Variants in LRCOL1 observed in about 807,000 individuals in gnomAD.
LRCOL1 encodes the protein leucine-rich colipase-like protein 1.
LRCOL1 carries 21 observed loss-of-function variants against 21.6 expected under a neutral mutation model. The observed-to-expected ratio is 0.97, with a 90% CI of 0.69 to 1.40. LRCOL1 has a LOEUF of 1.40. Among genes scored for constraint, LRCOL1 ranks in the 40% most tolerant of loss-of-function variants. LRCOL1 has a pLI of 0.00. For synonymous variants in LRCOL1, 98 were observed against 90.1 expected (o/e 1.09, Z -0.49); for missense variants, 198 against 202.3 (o/e 0.98, Z 0.13).
Position 132,606,708 on chromosome 12 carries a change from C to G in LRCOL1, c.-13-444G>C, listed in dbSNP as rs1349879489. Among the ~76,000 whole-genome samples the G allele has an allele frequency of 6.6e-6, 1 of 151,674 alleles. No homozygotes were observed. The highest frequency in any genetic ancestry group is 2.4e-5 in the African/African-American group (1 of 41,260). On this transcript the variant is annotated intron_variant, in intron 1 of 5. Coordinates refer to ENST00000376608, the MANE Select transcript of LRCOL1 (RefSeq NM_001195520.2). This position sits in a 1 kb window ranked among gnomAD's most constrained non-coding sequence, Gnocchi z 4.6. ...GCCCCGTCTATTCGCTCCTCCCTCC[C>G]CAGCTGCTGACAGCCACCGAGCTTT... is the stretch of plus-strand genomic sequence containing the variant.
chr12:132,604,655 G>A (rs569839676), intron 3 of LRCOL1, 51 bp downstream of exon 3: 5 of 1,527,532 alleles, frequency 3.3e-6, no homozygotes, highest in Middle Eastern at 1.7e-4. Context: ...CAGGTAGGAG[G>A]GGGCCACAGG....
intron 5 of LRCOL1, chr12:132,603,974 TG>T: frequency 7.6e-7 from 1 of 1,309,838 alleles, no homozygotes; most frequent in Non-Finnish European, 9.7e-7. Context: ...GGGATGGTCC[TG>T]GGTCCCCCTC....
intron 1 of LRCOL1, among the ~76,000 whole-genome samples, chr12:132,609,006 G>A (rs531578087): frequency 9.2e-5 from 14 of 152,328 alleles, no homozygotes; most frequent in South Asian, 6.2e-4. Flanking sequence ...AGGTCACACC[G>A]TTCACAGCAG....
At chr12:132,605,383 A>C (rs747779571) in intron 2 of LRCOL1, among the ~76,000 whole-genome samples, 7 of 152,250 alleles carry the variant, frequency 4.6e-5, no homozygotes, top group Non-Finnish European at 1.5e-5. Flanking sequence ...TTAAGATAAA[A>C]ACAGTAATCC....
At chr12:132,604,988 G>A in intron 2 of LRCOL1, 157 bp from the exon 3 acceptor site, 1 of 1,446,282 alleles carries the variant, frequency 6.9e-7, no homozygotes, top group Non-Finnish European at 9.1e-7. Context: ...GACTGCCGTG[G>A]TTCTGGCAGG....
chr12:132,609,241 A>G (rs923541983), intron 1 of LRCOL1, among the ~76,000 whole-genome samples: 3 of 152,162 alleles, frequency 2.0e-5, no homozygotes, highest in African/African-American at 7.2e-5. Context: ...CGTCAAACCT[A>G]CAGAGACAGA....
At chr12:132,608,025 CTCTCTG>C (rs1261809721) in intron 1 of LRCOL1, among the ~76,000 whole-genome samples, 1 of 152,138 alleles carries the variant, frequency 6.6e-6, no homozygotes, top group Non-Finnish European at 1.5e-5. Context: ...GTCTCTGTCT[CTCTCTG>C]TCTCTGTCTC....
At position 132,608,059 on chromosome 12, in the gene LRCOL1, T is replaced by C. The variant is rs117370063; in HGVS notation, c.-13-1795A>G. On this transcript the variant is annotated intron_variant, in intron 1 of 5. Coordinates refer to ENST00000376608, the MANE Select transcript of LRCOL1 (RefSeq NM_001195520.2). ...TCTGTCTCTTGAATCCCCTTGATTA[T>C]TATTTTTCTTAAATTCCTCATGTTA... Among the ~76,000 whole-genome samples the C allele has an allele frequency of 6.5e-3, 991 of 152,256 alleles. 6 individuals are homozygous for C. The highest frequency in any genetic ancestry group is 0.027 in the Middle Eastern group (8 of 294).
In LRCOL1 at chr12:132,606,894, AT is replaced by A. The variant is rs945148983; in HGVS notation, c.-13-631del. Among the ~76,000 whole-genome samples the A allele has an allele frequency of 1.3e-5, 2 of 151,872 alleles. No homozygotes were observed. Among genetic ancestry groups the A allele is most frequent in the East Asian group, 1.9e-4 (1 of 5,156 alleles). ...CTTTTTAGCACTGCATGGAAAATGG[AT>A]TTTTTTTAACACATCGAGGCAAAAC... is the stretch of plus-strand genomic sequence containing the variant. On this transcript the variant is annotated intron_variant, in intron 1 of 5. Transcript: ENST00000376608. This position sits in a 1 kb window ranked among gnomAD's most constrained non-coding sequence, Gnocchi z 4.6.
chr12:132,603,485 C>A, intron 5 of LRCOL1, 81 bp from the exon 6 acceptor site: 1 of 1,535,450 alleles, frequency 6.5e-7, no homozygotes, highest in Non-Finnish European at 8.7e-7. Context: ...GAACCCGGGG[C>A]CACAGCATCT....
At position 132,605,912 on chromosome 12, in the gene LRCOL1, G is replaced by A. The variant is rs566170210; in HGVS notation, c.105+235C>T. The A allele has an allele frequency of 3.2e-5, 17 of 527,272 alleles. No individual in the cohort carries two copies. The East Asian group carries it at 3.9e-4, about 12-fold the overall frequency. 32.7% of individuals were successfully genotyped at this position (527,272 alleles called of 1,614,324 possible). A position where few individuals can be genotyped will look rare whatever the true frequency, so the allele number is the denominator to read the frequency against. ...CAGGGCTGCTCCTGGTGCTGGGGTC[G>A]CCGTCCCATAGCCTCAAGTGTGCTT... On this transcript the variant is annotated intron_variant, in intron 2 of 5. Coordinates refer to ENST00000376608, the MANE Select transcript of LRCOL1 (RefSeq NM_001195520.2).
intron 2 of LRCOL1, 161 bp from the exon 3 acceptor site, chr12:132,604,992 T>C: frequency 2.1e-6 from 3 of 1,445,378 alleles, no homozygotes; most frequent in Non-Finnish European, 2.7e-6. Flanking sequence ...GCCGTGGTTC[T>C]GGCAGGTCAG....
At position 132,604,602 on chromosome 12, in the gene LRCOL1, C is replaced by T. The variant is rs979068555; in HGVS notation, c.232-18G>A. 9.2e-6 allele frequency: 14 copies of T among 1,528,996 alleles called. No homozygotes were observed. The highest frequency in any genetic ancestry group is 5.5e-5 in the African/African-American group (4 of 72,896). 94.7% of individuals were successfully genotyped at this position (1,528,996 alleles called of 1,614,324 possible). On this transcript the variant is annotated intron_variant, in intron 3 of 5. Coordinates refer to ENST00000376608, the MANE Select transcript of LRCOL1 (RefSeq NM_001195520.2). ...CCATTGGGCTATGGGACAGGAGACG[C>T]GTCATCCCTGCACCCACCATCCACT...
At position 132,604,611 on chromosome 12, in the gene LRCOL1, T is replaced by C. The variant is rs1317117650; in HGVS notation, c.232-27A>G. 7 of 1,527,220 alleles carry C rather than the reference T, an allele frequency of 4.6e-6. No individual in the cohort carries two copies. The East Asian group carries it at 1.2e-4, about 27-fold the overall frequency. The allele number at this position is 1,527,220 out of a possible 1,614,324, so 94.6% of individuals were successfully genotyped here. On this transcript the variant is annotated intron_variant, in intron 3 of 5. Coordinates refer to ENST00000376608, the MANE Select transcript of LRCOL1 (RefSeq NM_001195520.2). ...TATGGGACAGGAGACGCGTCATCCCTGCACCCACCATCCACTCCCTGGCTC... is the reference window on the plus strand; with the variant it reads ...TATGGGACAGGAGACGCGTCATCCCCGCACCCACCATCCACTCCCTGGCTC...
At chr12:132,603,539 G>C in intron 5 of LRCOL1, 135 bp from the exon 6 acceptor site, 1 of 1,510,074 alleles carries the variant, frequency 6.6e-7, no homozygotes, top group Non-Finnish European at 8.8e-7. Context: ...CCCAGAGGCC[G>C]ACGCCCACGC....
chr12:132,603,524 C>T, intron 5 of LRCOL1, 120 bp from the exon 6 acceptor site: 3 of 1,525,842 alleles, frequency 2.0e-6, no homozygotes, highest in South Asian at 2.4e-5. Context: ...GGGGTCGGGA[C>T]AGCACCCAGA....
intron 5 of LRCOL1, 66 bp from the exon 6 acceptor site, chr12:132,603,470 G>T: frequency 6.5e-7 from 1 of 1,535,834 alleles, no homozygotes; most frequent in Non-Finnish European, 8.7e-7. Context: ...GCGGAAGGAG[G>T]ACGGGAACCC....
intron 1 of LRCOL1, among the ~76,000 whole-genome samples, chr12:132,609,260 T>C (rs2041348131): frequency 6.6e-6 from 1 of 152,040 alleles, no homozygotes; most frequent in South Asian, 2.1e-4. Context: ...GACAGTACGA[T>C]GGTGGTGCCC....
At chr12:132,609,573 G>A (rs529492722) in intron 1 of LRCOL1, among the ~76,000 whole-genome samples, 6 of 152,030 alleles carry the variant, frequency 3.9e-5, no homozygotes, top group South Asian at 2.1e-4. Flanking sequence ...GGTGCATCCC[G>A]GTAGTCCCAG....
Sources: allele counts gnomAD v4.1 joint callset (sites outside exome capture counted in the v4.1 genomes callset), GRCh38; gene constraint gnomAD v4.1.1; non-coding constraint Gnocchi (gnomAD v3.1); transcripts MANE v1.5; gene names NCBI Gene and HGNC (gene_info 2026-07-23, HGNC 2026-07-21).